The following CPA6 variants were observed in gnomAD, a reference collection of about 807,000 sequenced individuals.
CPA6 encodes the protein carboxypeptidase A6.
A neutral mutation model predicts 63.3 loss-of-function variants in CPA6; 58 were observed. The ratio of observed to expected loss-of-function variants is 0.92; its 90% CI spans 0.74 to 1.14. CPA6 has a LOEUF of 1.14. Among genes scored for constraint, CPA6 ranks in the 50% most tolerant of loss-of-function variants. CPA6 has a pLI of 0.00. For missense variants in CPA6, 565 were observed against 526.6 expected (o/e 1.07, Z -0.71); for synonymous variants, 185 against 179.0 (o/e 1.03, Z -0.27).
At chr8:67,615,782 C>T (rs1347474935) in intron 2 of CPA6, among the ~76,000 whole-genome samples, 1 of 152,172 alleles carries the variant, frequency 6.6e-6, no homozygotes, top group East Asian at 1.9e-4. Context: ...ATGTTAGGGT[C>T]TAACAGTCTA....
intron 1 of CPA6, among the ~76,000 whole-genome samples, chr8:67,740,044 T>G (rs1048196377): frequency 2.6e-5 from 4 of 152,306 alleles, no homozygotes; most frequent in South Asian, 2.1e-4. Flanking sequence ...AGAGGCATAT[T>G]TGAAGACATG....
intron 1 of CPA6, among the ~76,000 whole-genome samples, chr8:67,721,053 G>A (rs35569716): frequency 1.3e-4 from 20 of 152,102 alleles, no homozygotes; most frequent in Admixed American, 8.5e-4. Flanking sequence ...TAATACAAAG[G>A]TTCAACATTA....
rs539051420 is a variant in CPA6, at chr8:67,666,081, C to T, written c.117-41830G>A. ...ACTTAAGAGTTTTATGAACATGATCCACTGTTCCTTCTGGTAGGATGGCAG... is the reference window on the plus strand; with the variant it reads ...ACTTAAGAGTTTTATGAACATGATCTACTGTTCCTTCTGGTAGGATGGCAG... On this transcript the variant is annotated intron_variant, in intron 1 of 10. Transcript: ENST00000297770. Among the ~76,000 whole-genome samples, 5 of 152,256 alleles carry T rather than the reference C, an allele frequency of 3.3e-5. No individual in the cohort carries two copies. The East Asian group carries it at 7.7e-4, about 23-fold the overall frequency.
chr8:67,614,115 C>T (rs1387438367), intron 2 of CPA6, among the ~76,000 whole-genome samples: 1 of 152,188 alleles, frequency 6.6e-6, no homozygotes, highest in Non-Finnish European at 1.5e-5. Flanking sequence ...GCCCTCTGCC[C>T]TTGTGAAAAG....
intron 1 of CPA6, among the ~76,000 whole-genome samples, chr8:67,649,557 T>A (rs374852043): frequency 5.9e-5 from 9 of 152,318 alleles, no homozygotes; most frequent in African/African-American, 1.9e-4. Flanking sequence ...TCTTTCTATT[T>A]TTAAGGATTT....
rs551411926 is a variant in CPA6 at position 67,465,936 on chromosome 8, C to T, written c.838+17832G>A. Among the ~76,000 whole-genome samples, 6 of 152,166 alleles carry T rather than the reference C, an allele frequency of 3.9e-5. No individual in the cohort carries two copies. The South Asian group carries it at 1.2e-3, about 32-fold the overall frequency. ...TTTTCTTTTTTCATTGTGTCTCTGC[C>T]AGAATTTGGTATCAGGGTGATGCTG... On this transcript the variant is annotated intron_variant, in intron 8 of 10. Transcript: ENST00000297770.
chr8:67,529,777 A>G (rs1812439235), intron 2 of CPA6, among the ~76,000 whole-genome samples: 1 of 152,186 alleles, frequency 6.6e-6, no homozygotes, highest in Admixed American at 6.5e-5. Flanking sequence ...AAATAACTCA[A>G]TAGTGTCACG....
intron 1 of CPA6, among the ~76,000 whole-genome samples, chr8:67,691,030 T>C (rs546548094): frequency 6.6e-6 from 1 of 152,364 alleles, no homozygotes; most frequent in South Asian, 2.1e-4. Context: ...AAACTTTCTG[T>C]ACATTAACTT....
At chr8:67,502,478 A>G (rs1811848169) in intron 6 of CPA6, among the ~76,000 whole-genome samples, 1 of 152,008 alleles carries the variant, frequency 6.6e-6, no homozygotes, top group Non-Finnish European at 1.5e-5. Flanking sequence ...CTTTGTTTTC[A>G]ATTTCATTTA....
intron 8 of CPA6, among the ~76,000 whole-genome samples, chr8:67,481,477 C>T (rs555907779): frequency 1.3e-5 from 2 of 152,382 alleles, no homozygotes; most frequent in East Asian, 3.9e-4. Flanking sequence ...TCTGTACTTG[C>T]ATGCTGGACT....
rs575018115 is a variant in CPA6, at chr8:67,603,818, T to C, written c.192+20358A>G. Among the ~76,000 whole-genome samples the C allele has an allele frequency of 4.6e-5, 7 of 152,374 alleles. No homozygotes were observed. The South Asian group carries it at 1.4e-3, about 32-fold the overall frequency. On this transcript the variant is annotated intron_variant, in intron 2 of 10. Transcript: ENST00000297770. ...CCCCAGATCAAACTAAAACTGCAGT[T>C]CTGCAATAGTTTGGTTTTGCTTTGC...
chr8:67,538,512 G>GTTT (rs139665944), intron 2 of CPA6, among the ~76,000 whole-genome samples: 10 of 90,786 alleles, frequency 1.1e-4, no homozygotes, highest in African/African-American at 1.7e-4. Context: ...TGCAACCCCT[G>GTTT]TTTTTTTTTT....
intron 1 of CPA6, among the ~76,000 whole-genome samples, chr8:67,688,715 G>C (rs1419547699): frequency 6.6e-6 from 1 of 152,060 alleles, no homozygotes; most frequent in Admixed American, 6.5e-5. Context: ...TTTGTGTTTT[G>C]TTTGAATGAA....
chr8:67,497,261 C>G (rs1811740256), intron 6 of CPA6, among the ~76,000 whole-genome samples: 1 of 152,110 alleles, frequency 6.6e-6, no homozygotes, highest in African/African-American at 2.4e-5. Flanking sequence ...GTTCCAATTC[C>G]CGCTTACTCC....
chr8:67,673,392 T>A (rs112086616), intron 1 of CPA6, among the ~76,000 whole-genome samples: 38,593 of 123,248 alleles, frequency 0.31, 5,475 homozygotes, highest in African/African-American at 0.43. Flanking sequence ...TTATTTATTT[T>A]TTTTTTTTTG....
At chr8:67,729,351 G>A (rs1025870053) in intron 1 of CPA6, among the ~76,000 whole-genome samples, 26 of 152,300 alleles carry the variant, frequency 1.7e-4, no homozygotes, top group Admixed American at 1.6e-3. Context: ...CAGAGTTAAA[G>A]TTTATATTAA....
chr8:67,623,996 CAAATAAAATAAAATAAAATAAAACA>C (rs1361277917), intron 2 of CPA6, among the ~76,000 whole-genome samples, 155 bp downstream of exon 2: 54 of 151,798 alleles, frequency 3.6e-4, no homozygotes, highest in Non-Finnish European at 6.8e-4. Context: ...GACTTTGTCT[CAAATAAAATAAAATAAAATAAAACA>C]AAATAAAATA....
intron 1 of CPA6, among the ~76,000 whole-genome samples, chr8:67,729,584 ATAGT>A (rs1587734275): frequency 6.6e-6 from 1 of 152,318 alleles, no homozygotes; most frequent in South Asian, 2.1e-4. Flanking sequence ...AAAGTACAAA[ATAGT>A]TAGTGCTACT....
chr8:67,607,154 CTCTTCTTCTTCT>C lies in CPA6; in HGVS notation c.192+17010_192+17021del, dbSNP rs1331172719. ...CCTCCTCCCCCTCCTCCCCCCCCTC[CTCTTCTTCTTCT>C]TCCTCTTCTTCTTCTTCTTCTTCTT... is the stretch of plus-strand genomic sequence containing the variant. On this transcript the variant is annotated intron_variant, in intron 2 of 10. Transcript: ENST00000297770. Among the ~76,000 whole-genome samples, 32 of 95,204 alleles carry C rather than the reference CTCTTCTTCTTCT, an allele frequency of 3.4e-4. 1 individual carries two copies. The highest frequency in any genetic ancestry group is 1.3e-3 in the African/African-American group (27 of 21,448). The allele number at this position is 95,204 out of a possible 152,430, so 62.5% of individuals were successfully genotyped here. A position where few individuals can be genotyped will look rare whatever the true frequency, so the allele number is the denominator to read the frequency against.
Sources: gnomAD v4.1 joint callset for allele counts (sites outside exome capture counted in the v4.1 genomes callset) on GRCh38, gnomAD v4.1.1 for gene constraint, MANE v1.5 for transcripts, NCBI Gene and HGNC (gene_info 2026-07-23, HGNC 2026-07-21) for gene names.